RNF180: variants seen among roughly 807,000 people sequenced by gnomAD.
RNF180 encodes E3 ubiquitin-protein ligase RNF180.
RNF180 carries 38 observed loss-of-function variants against 59.2 expected under a neutral mutation model. The observed-to-expected ratio is 0.64, with a 90% CI of 0.50 to 0.84. RNF180 has a LOEUF of 0.84. Among genes scored for constraint, RNF180 ranks in the 40% least tolerant of loss-of-function variants. The pLI, the probability that RNF180 is intolerant of heterozygous loss-of-function variation, is 0.00. For missense variants in RNF180, 705 were observed against 700.9 expected (o/e 1.01, Z -0.07); for synonymous variants, 262 against 240.3 (o/e 1.09, Z -0.84).
chr5:64,252,188 C>G (rs1743622796), intron 5 of RNF180, among the ~76,000 whole-genome samples: 1 of 152,112 alleles, frequency 6.6e-6, no homozygotes, highest in African/African-American at 2.4e-5. Context: ...AACACATATA[C>G]CAATGGATCA....
intron 7 of RNF180, among the ~76,000 whole-genome samples, chr5:64,367,972 CA>C (rs898143016): frequency 6.6e-6 from 1 of 150,658 alleles, no homozygotes; most frequent in African/African-American, 2.4e-5. Flanking sequence ...ATTGGTCAAC[CA>C]AAAAAAACAA....
chr5:64,276,444 A>G (rs2112371803), intron 5 of RNF180, among the ~76,000 whole-genome samples: 1 of 152,056 alleles, frequency 6.6e-6, no homozygotes, highest in East Asian at 1.9e-4. Context: ...AAGCAGGAAA[A>G]GAGGCCCAAG....
rs561361339 is a variant in RNF180, at chr5:64,283,281, A to G, written c.1228-41905A>G. Among the ~76,000 whole-genome samples the G allele has an allele frequency of 3.9e-5, 6 of 152,132 alleles. No individual in the cohort carries two copies. In the South Asian group the frequency reaches 1.2e-3, roughly 32 times the overall value. On this transcript the variant is annotated intron_variant, in intron 5 of 7. Transcript: ENST00000389100. ...TATCTTTTTTGATTGTTGTTGGTTT[A>G]AAGTTTGTTTTATCTGCTTTTTTTG...
chr5:64,194,772 A>AT (rs1279844976), intron 1 of RNF180, among the ~76,000 whole-genome samples: 1 of 152,002 alleles, frequency 6.6e-6, no homozygotes, highest in Non-Finnish European at 1.5e-5. Context: ...GCATTTTTTC[A>AT]TGTGTCTTTT....
intron 1 of RNF180, among the ~76,000 whole-genome samples, chr5:64,167,526 T>C (rs2111845244): frequency 6.6e-6 from 1 of 152,310 alleles, no homozygotes. Context: ...AAAATAGACT[T>C]AATTAGCACT....
At chr5:64,212,717 TTAATGAAA>T (rs1752373813) in intron 3 of RNF180, among the ~76,000 whole-genome samples, 1 of 152,190 alleles carries the variant, frequency 6.6e-6, no homozygotes, top group Non-Finnish European at 1.5e-5. Flanking sequence ...TAAAGGATCC[TTAATGAAA>T]TATTATAAGA....
intron 5 of RNF180, among the ~76,000 whole-genome samples, chr5:64,228,454 C>CAGT (rs1741905890): frequency 6.6e-6 from 1 of 152,146 alleles, no homozygotes; most frequent in African/African-American, 2.4e-5. Context: ...GTTGAGACTG[C>CAGT]AGTAAGCCAT....
At chr5:64,216,320 A>G (rs1752624369) in intron 4 of RNF180, among the ~76,000 whole-genome samples, 1 of 152,190 alleles carries the variant, frequency 6.6e-6, no homozygotes, top group Non-Finnish European at 1.5e-5. Flanking sequence ...GAAAGAGTAA[A>G]TATCTGAGAT....
chr5:64,305,187 T>C (rs933187636), intron 5 of RNF180, among the ~76,000 whole-genome samples: 44 of 151,660 alleles, frequency 2.9e-4, no homozygotes, highest in Admixed American at 2.8e-3. Context: ...ATATTCACTT[T>C]AATGAAATGG....
At chr5:64,315,798 A>G (rs1744012915) in intron 5 of RNF180, among the ~76,000 whole-genome samples, 1 of 152,046 alleles carries the variant, frequency 6.6e-6, no homozygotes, top group East Asian at 1.9e-4. Flanking sequence ...TATACAGCTG[A>G]AATGCTTTAT....
intron 5 of RNF180, among the ~76,000 whole-genome samples, chr5:64,239,630 CAGAT>C (rs959747445): frequency 6.6e-6 from 1 of 152,050 alleles, no homozygotes; most frequent in Admixed American, 6.5e-5. Flanking sequence ...CTTCATTTGG[CAGAT>C]AGAACAGTTT....
At chr5:64,317,634 ACAC>A (rs1744125098) in intron 5 of RNF180, among the ~76,000 whole-genome samples, 1 of 151,220 alleles carries the variant, frequency 6.6e-6, no homozygotes, top group Admixed American at 6.6e-5. Context: ...ACACACACAC[ACAC>A]ACACACACAC....
intron 7 of RNF180, among the ~76,000 whole-genome samples, chr5:64,367,190 A>G (rs1408915712): frequency 6.6e-6 from 1 of 151,626 alleles, no homozygotes; most frequent in Non-Finnish European, 1.5e-5. Context: ...CATCACCACC[A>G]GACTGGCTCT....
intron 7 of RNF180, among the ~76,000 whole-genome samples, chr5:64,364,454 T>C (rs1024560982): frequency 4.6e-5 from 7 of 151,840 alleles, no homozygotes; most frequent in Non-Finnish European, 1.0e-4. Context: ...CTTTTTGATG[T>C]GCTGATAAAT....
chr5:64,223,136 A>G (rs1741455337), intron 5 of RNF180, among the ~76,000 whole-genome samples: 1 of 152,184 alleles, frequency 6.6e-6, no homozygotes, highest in Non-Finnish European at 1.5e-5. Context: ...TGGAGGCTCT[A>G]TAATAGAATC....
chr5:64,298,957 C>T (rs1249005782), intron 5 of RNF180, among the ~76,000 whole-genome samples: 1 of 151,954 alleles, frequency 6.6e-6, no homozygotes, highest in East Asian at 1.9e-4. Context: ...TGGCCTCCCA[C>T]AAATTTTATT....
intron 7 of RNF180, among the ~76,000 whole-genome samples, chr5:64,340,089 C>T (rs1040383865): frequency 6.6e-5 from 10 of 152,050 alleles, no homozygotes; most frequent in African/African-American, 2.4e-4. Context: ...ATATGGTTTC[C>T]ATCTATGCTA....
intron 7 of RNF180, among the ~76,000 whole-genome samples, chr5:64,341,619 A>G (rs1355384488): frequency 6.6e-6 from 1 of 152,218 alleles, no homozygotes; most frequent in Admixed American, 6.5e-5. Context: ...AAGTGAGATG[A>G]TGGAAAACCT....
chr5:64,315,933 A>G (rs1313143897), intron 5 of RNF180, among the ~76,000 whole-genome samples: 1 of 152,084 alleles, frequency 6.6e-6, no homozygotes, highest in African/African-American at 2.4e-5. Context: ...TTTTTCCCAT[A>G]AGTGAGTATA....
Sources: allele counts gnomAD v4.1 joint callset (sites outside exome capture counted in the v4.1 genomes callset), GRCh38; gene constraint gnomAD v4.1.1; transcripts MANE v1.5; gene names NCBI Gene and HGNC (gene_info 2026-07-23, HGNC 2026-07-21).